Variants in PRKD1 observed in about 807,000 individuals in gnomAD.
The protein encoded by PRKD1 is serine/threonine-protein kinase D1.
Under a neutral mutation model 95.9 loss-of-function variants are expected in PRKD1, and 63 were observed. The observed-to-expected ratio is 0.66, with a 90% CI of 0.54 to 0.81. The LOEUF (loss-of-function observed/expected upper bound fraction) is 0.81. PRKD1 is among the 30% of genes least tolerant of loss of function. The probability of loss-of-function intolerance (pLI) is 0.00; values close to 1 mark genes in which losing one functional copy is unlikely to be tolerated. For synonymous variants in PRKD1, 425 were observed against 423.1 expected (o/e 1.00, Z -0.05); for missense variants, 1,048 against 1,165.3 (o/e 0.90, Z 1.47).
chr14:29,849,164 T>G (rs959269622), intron 1 of PRKD1, among the ~76,000 whole-genome samples: 1 of 152,226 alleles, frequency 6.6e-6, no homozygotes, highest in African/African-American at 2.4e-5. Flanking sequence ...CCTTTGGTGC[T>G]GTTCTCATGA....
intron 1 of PRKD1, among the ~76,000 whole-genome samples, chr14:29,910,913 G>A (rs1484026627): frequency 3.3e-5 from 5 of 152,158 alleles, no homozygotes; most frequent in African/African-American, 7.2e-5. Flanking sequence ...ATGACAAGGT[G>A]AGAAGGGAAC....
intron 2 of PRKD1, among the ~76,000 whole-genome samples, chr14:29,680,462 G>A (rs1883478242): frequency 6.6e-6 from 1 of 151,998 alleles, no homozygotes; most frequent in South Asian, 2.1e-4. Context: ...GAATATATAA[G>A]AAAGAAAAAA....
At chr14:29,636,542 C>T (rs1381747113) in intron 6 of PRKD1, 48 bp from the exon 7 acceptor site, 1 of 1,597,162 alleles carries the variant, frequency 6.3e-7, no homozygotes, top group East Asian at 2.2e-5. Context: ...ATCTTGGAGC[C>T]AGGGCTTAAG....
rs1285767700 is a variant in PRKD1, at chr14:29,823,393, T to C, written c.265-97719A>G. Among the ~76,000 whole-genome samples, 6 of 152,170 alleles carry C rather than the reference T, an allele frequency of 3.9e-5. No individual in the cohort carries two copies. In the South Asian group the frequency reaches 6.2e-4, roughly 16 times the overall value. ...TAATATTTGTTATTCGCAGAGCCTA[T>C]GTTTTCCGAGAATAATGCAAAAGAA... On this transcript the variant is annotated intron_variant, in intron 1 of 17. Transcript: ENST00000331968.
chr14:29,708,468 T>C (rs1423375046), intron 2 of PRKD1, among the ~76,000 whole-genome samples: 1 of 152,200 alleles, frequency 6.6e-6, no homozygotes, highest in Middle Eastern at 3.2e-3. Context: ...GCCATGACGT[T>C]AAATAAAAGG....
chr14:29,760,174 T>C (rs1887909088), intron 1 of PRKD1, among the ~76,000 whole-genome samples: 1 of 152,124 alleles, frequency 6.6e-6, no homozygotes, highest in African/African-American at 2.4e-5. Flanking sequence ...AAATTCCCTT[T>C]TACTCATATT....
At chr14:29,797,008 T>G (rs942413193) in intron 1 of PRKD1, among the ~76,000 whole-genome samples, 2 of 152,160 alleles carry the variant, frequency 1.3e-5, no homozygotes, top group African/African-American at 4.8e-5. Flanking sequence ...ACAACCTTAA[T>G]CCAATTTAGA....
intron 2 of PRKD1, among the ~76,000 whole-genome samples, chr14:29,687,067 C>G (rs376698839): frequency 6.6e-6 from 1 of 152,146 alleles, no homozygotes; most frequent in South Asian, 2.1e-4. Context: ...AGGTCAGCGA[C>G]CCCAACTCTG....
intron 1 of PRKD1, among the ~76,000 whole-genome samples, chr14:29,764,361 TA>T (rs1195327007): frequency 6.6e-6 from 1 of 152,176 alleles, no homozygotes; most frequent in African/African-American, 2.4e-5. Flanking sequence ...AGGGAAATAT[TA>T]GGTCAATACT....
chr14:29,767,237 A>G (rs1292691431), intron 1 of PRKD1, among the ~76,000 whole-genome samples: 1 of 152,160 alleles, frequency 6.6e-6, no homozygotes, highest in Non-Finnish European at 1.5e-5. Flanking sequence ...CTATAGAACT[A>G]CAATTCTGAG....
chr14:29,649,944 C>T (rs932185059), intron 4 of PRKD1, among the ~76,000 whole-genome samples: 4 of 152,142 alleles, frequency 2.6e-5, no homozygotes, highest in African/African-American at 4.8e-5. Context: ...GACCTGTAGC[C>T]TTCTGTATGT....
intron 1 of PRKD1, among the ~76,000 whole-genome samples, chr14:29,910,137 G>A (rs1037584097): frequency 5.3e-5 from 8 of 152,062 alleles, no homozygotes; most frequent in African/African-American, 1.9e-4. Context: ...GGTCCACACT[G>A]CCTTTATGAG....
intron 1 of PRKD1, among the ~76,000 whole-genome samples, chr14:29,750,963 C>A (rs950973930): frequency 6.6e-6 from 1 of 152,108 alleles, no homozygotes; most frequent in African/African-American, 2.4e-5. Flanking sequence ...ATTTTACATC[C>A]ACTCCTCTTT....
chr14:29,779,659 A>C (rs919200990), intron 1 of PRKD1, among the ~76,000 whole-genome samples: 4 of 152,144 alleles, frequency 2.6e-5, no homozygotes, highest in Admixed American at 6.5e-5. Context: ...AATGGAAGAA[A>C]ATTCCATGCT....
At chr14:29,906,952 C>G (rs1894516702) in intron 1 of PRKD1, among the ~76,000 whole-genome samples, 1 of 152,192 alleles carries the variant, frequency 6.6e-6, no homozygotes, top group African/African-American at 2.4e-5. Context: ...TTATTATTCG[C>G]ATAATTTTGT....
At chr14:29,806,218 A>C (rs1890227085) in intron 1 of PRKD1, among the ~76,000 whole-genome samples, 2 of 152,244 alleles carry the variant, frequency 1.3e-5, no homozygotes, top group Non-Finnish European at 1.5e-5. Flanking sequence ...TTTACAGATT[A>C]ACTGGGCCCA....
chr14:29,675,984 T>TG (rs1394858631), intron 2 of PRKD1, among the ~76,000 whole-genome samples: 2 of 39,604 alleles, frequency 5.0e-5, no homozygotes, highest in Admixed American at 4.3e-4. Context: ...TGTCGTGGGG[T>TG]GGGGGGTGGG....
chr14:29,746,848 G>C (rs1382712143), intron 1 of PRKD1, among the ~76,000 whole-genome samples: 1 of 151,966 alleles, frequency 6.6e-6, no homozygotes, highest in African/African-American at 2.4e-5. Flanking sequence ...TATTGATTTG[G>C]AGAATATGAC....
chr14:29,824,115 G>A (rs780599801), intron 1 of PRKD1, among the ~76,000 whole-genome samples: 9 of 152,102 alleles, frequency 5.9e-5, no homozygotes, highest in Non-Finnish European at 8.8e-5. Context: ...TATCAGCTAC[G>A]ATGAGGGTCC....
Sources: allele counts gnomAD v4.1 joint callset (sites outside exome capture counted in the v4.1 genomes callset), GRCh38; gene constraint gnomAD v4.1.1; transcripts MANE v1.5; gene names NCBI Gene and HGNC (gene_info 2026-07-23, HGNC 2026-07-21).